The following TRPC5 variants were observed in gnomAD, a reference collection of about 807,000 sequenced individuals.
TRPC5 encodes transient receptor potential cation channel subfamily C member 5.
A neutral mutation model predicts 56.5 loss-of-function variants in TRPC5; 9 were observed. The observed-to-expected ratio is 0.16, with a 90% CI of 0.10 to 0.28. TRPC5 has a LOEUF of 0.28. TRPC5 is among the 10% of genes least tolerant of loss of function. The pLI, the probability that TRPC5 is intolerant of heterozygous loss-of-function variation, is 1.00. For missense variants in TRPC5, 469 were observed against 748.9 expected, an observed-to-expected ratio of 0.63 and a Z score of 4.36; for synonymous variants, 282 against 278.5, an observed-to-expected ratio of 1.01 and a Z score of -0.13.
At chrX:111,802,289 A>G (rs956079936) in intron 7 of TRPC5, among the ~76,000 whole-genome samples, 5 of 111,391 alleles carry the variant, frequency 4.5e-5, no homozygotes, top group Non-Finnish European at 9.4e-5. Flanking sequence ...AAGTTTTGAA[A>G]CTTGGAAGTA....
At chrX:111,778,619 ATATCTTT>A (rs1945896885) in intron 10 of TRPC5, among the ~76,000 whole-genome samples, 2 of 112,184 alleles carry the variant, frequency 1.8e-5, no homozygotes, top group African/African-American at 6.5e-5. Flanking sequence ...TTTTGATCTT[ATATCTTT>A]TAAGTAAAGA....
intron 9 of TRPC5, among the ~76,000 whole-genome samples, chrX:111,779,771 T>C (rs2148548379): frequency 8.9e-6 from 1 of 112,320 alleles, no homozygotes; most frequent in African/African-American, 3.2e-5. Context: ...GGCTGACTCA[T>C]CCAATGTTAC....
intron 1 of TRPC5, among the ~76,000 whole-genome samples, chrX:112,057,068 C>T (rs754833278): frequency 8.9e-6 from 1 of 112,160 alleles, no homozygotes; most frequent in African/African-American, 3.2e-5. Context: ...TTTTCACTTT[C>T]AGTCACGAGG....
intron 1 of TRPC5, among the ~76,000 whole-genome samples, chrX:112,022,120 C>A (rs1034725644): frequency 8.9e-6 from 1 of 112,033 alleles, no homozygotes; most frequent in Non-Finnish European, 1.9e-5. Context: ...GGTATACATT[C>A]TGGAGTATAT....
chrX:111,799,587 A>G (rs183599985), intron 7 of TRPC5, among the ~76,000 whole-genome samples: 53 of 111,530 alleles, frequency 4.8e-4, no homozygotes, highest in Admixed American at 2.1e-3. Flanking sequence ...GAACACTGAA[A>G]GTCTGGAAGG....
intron 1 of TRPC5, among the ~76,000 whole-genome samples, chrX:112,015,024 C>T (rs1284437019): frequency 2.6e-5 from 2 of 77,478 alleles, no homozygotes; most frequent in Non-Finnish European, 4.7e-5. Flanking sequence ...CTCTACTCTG[C>T]CTTCTTGCCA....
intron 1 of TRPC5, among the ~76,000 whole-genome samples, chrX:112,079,958 T>G (rs1930922610): frequency 8.9e-6 from 1 of 111,889 alleles, no homozygotes; most frequent in African/African-American, 3.3e-5. Flanking sequence ...TCATTCGTGC[T>G]GATATTTTGA....
At chrX:111,947,724 A>G (rs1926965935) in intron 2 of TRPC5, among the ~76,000 whole-genome samples, 1 of 112,306 alleles carries the variant, frequency 8.9e-6, no homozygotes, top group Non-Finnish European at 1.9e-5. Context: ...CATGTCAGAT[A>G]CTTAGCACAG....
At chrX:111,985,854 C>G (rs1398457649) in intron 1 of TRPC5, among the ~76,000 whole-genome samples, 1 of 111,833 alleles carries the variant, frequency 8.9e-6, no homozygotes. Flanking sequence ...CCCACCTTGT[C>G]TTTGGCAGTT....
At chrX:112,005,196 A>AGACT in intron 1 of TRPC5, among the ~76,000 whole-genome samples, 1 of 111,103 alleles carries the variant, frequency 9.0e-6, no homozygotes, top group South Asian at 3.9e-4. Context: ...TATCCTTAGC[A>AGACT]GACTGACACA....
chrX:111,986,237 C>G (rs150849591), intron 1 of TRPC5, among the ~76,000 whole-genome samples: 3,385 of 110,770 alleles, frequency 0.031, 125 homozygotes, highest in African/African-American at 0.1. Context: ...TATTTTCTAA[C>G]TCCATAAGCT....
intron 3 of TRPC5, among the ~76,000 whole-genome samples, chrX:111,873,552 G>A (rs756531083): frequency 1.5e-4 from 17 of 111,054 alleles, no homozygotes; most frequent in South Asian, 3.8e-4. Context: ...GGAGGCTAAC[G>A]CGGGTGGATT....
At chrX:111,821,408 C>T (rs1402819902) in intron 7 of TRPC5, among the ~76,000 whole-genome samples, 1 of 111,612 alleles carries the variant, frequency 9.0e-6, no homozygotes, top group Non-Finnish European at 1.9e-5. Context: ...GCGGATTTAC[C>T]TTGACAGCTG....
At chrX:111,781,845 G>A (rs1945922204) in intron 8 of TRPC5, 90 bp downstream of exon 8, 3 of 853,895 alleles carry the variant, frequency 3.5e-6, no homozygotes, top group South Asian at 2.6e-5. Context: ...GCAGTGACCC[G>A]AGACCGTGCC....
chrX:111,871,751 T>C (rs1569526965), intron 3 of TRPC5, among the ~76,000 whole-genome samples: 1 of 111,730 alleles, frequency 9.0e-6, no homozygotes, highest in Admixed American at 9.5e-5. Context: ...GTATATGTGA[T>C]TTGACACACT....
chrX:112,072,354 A>AT (rs1248324255), intron 1 of TRPC5, among the ~76,000 whole-genome samples: 2 of 112,298 alleles, frequency 1.8e-5, no homozygotes, highest in Non-Finnish European at 3.8e-5. Flanking sequence ...TATATGCTTC[A>AT]TAAGTATTTG....
intron 1 of TRPC5, among the ~76,000 whole-genome samples, chrX:111,988,730 A>G (rs897379215): frequency 2.7e-5 from 3 of 111,000 alleles, no homozygotes; most frequent in Admixed American, 9.7e-5. Context: ...CTACTGTCCA[A>G]TGTCCTTTAC....
At chrX:112,050,178 A>C (rs996162146) in intron 1 of TRPC5, among the ~76,000 whole-genome samples, 1 of 105,958 alleles carries the variant, frequency 9.4e-6, no homozygotes, top group Non-Finnish European at 2.0e-5. Flanking sequence ...CAAAAACAAC[A>C]ACAAAAACAA....
intron 3 of TRPC5, among the ~76,000 whole-genome samples, 165 bp downstream of exon 3, chrX:111,912,126 A>G (rs1171701139): frequency 8.9e-6 from 1 of 111,965 alleles, no homozygotes; most frequent in African/African-American, 3.2e-5. Context: ...TAAAGAAAAT[A>G]CAAAAAGGTT....
Sources: gnomAD v4.1 joint callset for allele counts (sites outside exome capture counted in the v4.1 genomes callset) on GRCh38, gnomAD v4.1.1 for gene constraint, MANE v1.5 for transcripts, NCBI Gene and HGNC (gene_info 2026-07-23, HGNC 2026-07-21) for gene names.